The following ANKRD36C variants were observed in gnomAD, a reference collection of about 807,000 sequenced individuals.
The protein encoded by ANKRD36C is ankyrin repeat domain-containing protein 36C.
In ANKRD36C, 61 loss-of-function variants were observed where a neutral mutation model predicts 276.4. The ratio of observed to expected loss-of-function variants is 0.22; its 90% CI spans 0.18 to 0.27. The LOEUF is 0.27. ANKRD36C is among the 10% of genes least tolerant of loss of function. The pLI, the probability that ANKRD36C is intolerant of heterozygous loss-of-function variation, is 1.00. For missense variants in ANKRD36C, 1,447 were observed against 2,032.3 expected (o/e 0.71, Z 5.54); for synonymous variants, 483 against 680.1 (o/e 0.71, Z 4.51).
intron 58 of ANKRD36C, among the ~76,000 whole-genome samples, chr2:95,879,979 A>G (rs1194958594): frequency 7.1e-6 from 1 of 141,606 alleles, no homozygotes; most frequent in African/African-American, 2.7e-5. Context: ...TCGAGAGCTC[A>G]AGACCAGCCT....
chr2:95,920,295 G>A (rs1346865447), intron 34 of ANKRD36C, among the ~76,000 whole-genome samples: 1 of 132,210 alleles, frequency 7.6e-6, no homozygotes, highest in Non-Finnish European at 1.7e-5. Context: ...CATGTCTTTC[G>A]TGCAACAAAT....
intron 4 of ANKRD36C, 106 bp downstream of exon 4, chr2:95,982,150 A>C: frequency 1.2e-6 from 1 of 841,040 alleles, no homozygotes; most frequent in Non-Finnish European, 1.8e-6. Flanking sequence ...CCAATAATTA[A>C]AAGTTAGTCT....
rs192552889 is a variant in ANKRD36C at position 95,914,474 on chromosome 2, C to T, written c.2450-171G>A. On this transcript the variant is annotated intron_variant, in intron 38 of 66. Coordinates refer to ENST00000456556, the Ensembl canonical transcript of ANKRD36C. Reference sequence around the variant, plus strand: ...AACATGATAGAAATACGCTGAGAAACGGGAATACAGGCTCCATGAAATATA... The same window carrying T: ...AACATGATAGAAATACGCTGAGAAATGGGAATACAGGCTCCATGAAATATA... Among the ~76,000 whole-genome samples, 237 of 151,432 alleles carry T rather than the reference C, an allele frequency of 1.6e-3. 1 individual carries two copies. The highest frequency in any genetic ancestry group is 5.0e-3 in the African/African-American group (206 of 41,378).
chr2:95,964,596 C>A (rs536699084), intron 6 of ANKRD36C, among the ~76,000 whole-genome samples: 1 of 152,054 alleles, frequency 6.6e-6, no homozygotes, highest in East Asian at 1.9e-4. Context: ...ACTTGACTAA[C>A]GTGTACAAAT....
chr2:95,854,216 T>C (rs558611309), intron 63 of ANKRD36C, among the ~76,000 whole-genome samples: 1 of 151,880 alleles, frequency 6.6e-6, no homozygotes, highest in East Asian at 1.9e-4. Flanking sequence ...TCCCTCTTTT[T>C]TTAAATTAGA....
At chr2:95,875,083 G>T (rs1199359149) in intron 59 of ANKRD36C, among the ~76,000 whole-genome samples, 1 of 152,162 alleles carries the variant, frequency 6.6e-6, no homozygotes, top group Non-Finnish European at 1.5e-5. Flanking sequence ...CTGTTGGTGG[G>T]ACTGTAAACT....
At chr2:95,894,440 A>G (rs1413406466) in intron 44 of ANKRD36C, among the ~76,000 whole-genome samples, 1 of 151,528 alleles carries the variant, frequency 6.6e-6, no homozygotes, top group East Asian at 2.0e-4. Flanking sequence ...CAACTTTGAC[A>G]TATTTCTACA....
chr2:95,985,424 G>A (rs1309011895), intron 3 of ANKRD36C, among the ~76,000 whole-genome samples: 1 of 152,224 alleles, frequency 6.6e-6, no homozygotes, highest in Non-Finnish European at 1.5e-5. Flanking sequence ...GCGTATCAGT[G>A]TCTCAAGAAA....
At chr2:95,888,030 A>G (rs751171360) in intron 49 of ANKRD36C, 33 bp from the exon 70 acceptor site, 4 of 1,604,958 alleles carry the variant, frequency 2.5e-6, no homozygotes, top group Non-Finnish European at 3.4e-6. Context: ...TAATGAATAC[A>G]TAAACTATGT....
chr2:95,951,523 A>G, intron 14 of ANKRD36C, 115 bp from the exon 15 acceptor site: 3 of 788,494 alleles, frequency 3.8e-6, no homozygotes, highest in Non-Finnish European at 6.0e-6. Context: ...AATCACTCAT[A>G]TGTAGATTCA....
At position 95,987,217 on chromosome 2, in the gene ANKRD36C, G is replaced by A. The variant is rs1280884479; in HGVS notation, c.198-11C>T. ...AAATGTAGGGCGGTCCTGTGAGAGT[G>A]ACAGGACTTTTTAAAACATGTAACT... On this transcript the variant is annotated splice_polypyrimidine_tract_variant and intron_variant, in intron 1 of 66. Coordinates refer to ENST00000456556, the Ensembl canonical transcript of ANKRD36C. 2.0e-6 allele frequency: 3 copies of A among 1,526,654 alleles called. No homozygotes were observed. The highest frequency in any genetic ancestry group is 1.4e-5 in the African/African-American group (1 of 71,252). The allele number at this position is 1,526,654 out of a possible 1,614,324, so 94.6% of individuals were successfully genotyped here.
intron 36 of ANKRD36C, among the ~76,000 whole-genome samples, chr2:95,917,164 C>T (rs1042079039): frequency 1.3e-5 from 2 of 151,570 alleles, no homozygotes; most frequent in African/African-American, 4.8e-5. Context: ...AAACATGTAT[C>T]TCTGATGCCT....
chr2:95,963,994 T>TATAA (rs1357502467), intron 6 of ANKRD36C, among the ~76,000 whole-genome samples: 48 of 17,364 alleles, frequency 2.8e-3, no homozygotes, highest in African/African-American at 0.018. Flanking sequence ...TATATATATA[T>TATAA]ATATATATAT....
chr2:95,893,818 T>C lies in ANKRD36C; in HGVS notation c.2756-1958A>G, dbSNP rs1676450162. ...GAGTTAGCATCAAACTCTGTCCTCC[T>C]GCCTGTATTAGCGTAGGCTTTAATG... is the stretch of plus-strand genomic sequence containing the variant. On this transcript the variant is annotated intron_variant, in intron 44 of 66. Coordinates refer to ENST00000456556, the Ensembl canonical transcript of ANKRD36C. 6 of 1,586,586 alleles carry C rather than the reference T, an allele frequency of 3.8e-6. No individual in the cohort carries two copies. In the African/African-American group the frequency reaches 4.0e-5, roughly 11 times the overall value.
At chr2:95,870,646 C>T (rs1451659639) in intron 59 of ANKRD36C, among the ~76,000 whole-genome samples, 6 of 152,174 alleles carry the variant, frequency 3.9e-5, no homozygotes, top group African/African-American at 1.4e-4. Flanking sequence ...TCACCAGCAA[C>T]AGAACAAAGC....
At chr2:95,888,399 G>A (rs574150457) in intron 48 of ANKRD36C, among the ~76,000 whole-genome samples, 16 of 151,836 alleles carry the variant, frequency 1.1e-4, no homozygotes, top group East Asian at 9.7e-4. Context: ...GATATGCCAA[G>A]TGATGAGGAC....
intron 58 of ANKRD36C, among the ~76,000 whole-genome samples, chr2:95,876,769 G>T (rs964826008): frequency 7.0e-6 from 1 of 143,484 alleles, no homozygotes; most frequent in Non-Finnish European, 1.5e-5. Flanking sequence ...GGAGAATGGC[G>T]TGAGCCCGGG....
intron 58 of ANKRD36C, among the ~76,000 whole-genome samples, chr2:95,878,197 A>G (rs1159788622): frequency 6.6e-6 from 1 of 151,500 alleles, no homozygotes; most frequent in Non-Finnish European, 1.5e-5. Context: ...AAAAAAAAAA[A>G]AAGTGTATAA....
At chr2:95,991,553 C>G in exon 1 of ANKRD36C, 1 of 1,612,760 alleles carries the variant, frequency 6.2e-7, no homozygotes, top group Non-Finnish European at 8.5e-7. Context: ...AACGCGTGAG[C>G]AGAACGAACT....
Sources: allele counts gnomAD v4.1 joint callset (sites outside exome capture counted in the v4.1 genomes callset), GRCh38; gene constraint gnomAD v4.1.1; transcripts MANE v1.5; gene names NCBI Gene and HGNC (gene_info 2026-07-23, HGNC 2026-07-21).